Variants in TPD52L2 observed in about 807,000 individuals in gnomAD.
TPD52L2 encodes TPD52 like 2.
A neutral mutation model predicts 24.7 loss-of-function variants in TPD52L2; 19 were observed. The observed-to-expected ratio is 0.77, with a 90% confidence interval of 0.54 to 1.13. TPD52L2 has a LOEUF of 1.13. TPD52L2 is among the 50% of genes most tolerant of loss of function. The pLI is 0.00. For missense variants in TPD52L2, 236 were observed against 250.4 expected (o/e 0.94, Z 0.39); for synonymous variants, 104 against 100.2 (o/e 1.04, Z -0.23).
intron 1 of TPD52L2, among the ~76,000 whole-genome samples, chr20:63,867,714 T>C (rs1384029958): frequency 2.0e-5 from 3 of 152,200 alleles, no homozygotes; most frequent in Admixed American, 6.5e-5. Flanking sequence ...AGAGTATCTT[T>C]GTTAAGTGCA....
rs573617735 is a variant in TPD52L2 at position 63,890,149 on chromosome 20, C to T, written c.*204C>T. 9.5e-5 allele frequency: 113 copies of T among 1,190,230 alleles called. 1 individual carries two copies. In the South Asian group the frequency reaches 1.6e-3, roughly 17 times the overall value. The allele number at this position is 1,190,230 out of a possible 1,614,324, so 73.7% of individuals were successfully genotyped here. A position where few individuals can be genotyped will look rare whatever the true frequency, so the allele number is the denominator to read the frequency against. On this transcript the variant is annotated 3_prime_UTR_variant, in exon 7 of 7. Coordinates refer to ENST00000346249, the MANE Select transcript of TPD52L2 (RefSeq NM_003288.4). ...CTTGTACACAGATGTTTTACACTCACGTTTGTAGATGAAACAGATCACTGT... is the reference window on the plus strand; with the variant it reads ...CTTGTACACAGATGTTTTACACTCATGTTTGTAGATGAAACAGATCACTGT...
At chr20:63,872,303 G>A (rs138965483) in intron 2 of TPD52L2, among the ~76,000 whole-genome samples, 107 of 152,174 alleles carry the variant, frequency 7.0e-4, no homozygotes, top group African/African-American at 2.3e-3. Flanking sequence ...GACGGTGCCC[G>A]GCTGCCAACA....
At chr20:63,889,729 C>T in intron 6 of TPD52L2, 121 bp from the exon 7 acceptor site, 1 of 926,364 alleles carries the variant, frequency 1.1e-6, no homozygotes, top group East Asian at 2.6e-5. Flanking sequence ...GCTCCCTGTC[C>T]CTGCTGAGCA....
intron 1 of TPD52L2, among the ~76,000 whole-genome samples, chr20:63,867,205 T>C (rs1249342295): frequency 6.6e-6 from 1 of 151,836 alleles, no homozygotes; most frequent in Admixed American, 6.6e-5. Context: ...CTGCCCGCCT[T>C]GGCCTCCAAA....
intron 5 of TPD52L2, among the ~76,000 whole-genome samples, chr20:63,885,665 GT>G (rs2053064912): frequency 6.6e-6 from 1 of 152,234 alleles, no homozygotes; most frequent in African/African-American, 2.4e-5. Flanking sequence ...GATGGGGCTG[GT>G]TGTGCTCCAG....
intron 5 of TPD52L2, among the ~76,000 whole-genome samples, chr20:63,883,805 A>G (rs1178522928): frequency 7.2e-6 from 1 of 139,618 alleles, no homozygotes; most frequent in Non-Finnish European, 1.6e-5. Flanking sequence ...AGATACGTAC[A>G]TCTCCTGCTG....
At chr20:63,882,637 G>C in intron 4 of TPD52L2, 82 bp from the exon 5 acceptor site, 1 of 1,113,268 alleles carries the variant, frequency 9.0e-7, no homozygotes, top group Non-Finnish European at 1.4e-6. Flanking sequence ...TTCCTCGGGC[G>C]TGCTCCCAGT....
intron 4 of TPD52L2, among the ~76,000 whole-genome samples, chr20:63,881,079 G>A (rs1035122462): frequency 2.6e-5 from 4 of 152,042 alleles, no homozygotes; most frequent in African/African-American, 4.8e-5. Flanking sequence ...TCATCCGAGC[G>A]GGCTGGGCGC....
intron 3 of TPD52L2, among the ~76,000 whole-genome samples, chr20:63,875,153 A>ATATATATATATATATATT (rs1491155220): frequency 3.5e-4 from 46 of 131,318 alleles, no homozygotes; most frequent in African/African-American, 1.3e-3. Flanking sequence ...AAAAAAAAAA[A>ATATATATATATATATATT]TATATATATA....
chr20:63,875,153 AT>A (rs1240036356), intron 3 of TPD52L2, among the ~76,000 whole-genome samples: 68 of 131,318 alleles, frequency 5.2e-4, no homozygotes, highest in African/African-American at 8.0e-4. Context: ...AAAAAAAAAA[AT>A]ATATATATAT....
At chr20:63,867,098 C>T (rs2052278297) in intron 1 of TPD52L2, among the ~76,000 whole-genome samples, 1 of 152,022 alleles carries the variant, frequency 6.6e-6, no homozygotes, top group African/African-American at 2.4e-5. Flanking sequence ...GCATTACAGG[C>T]GTGCGCCACC....
At chr20:63,882,313 C>T (rs1267407216) in intron 4 of TPD52L2, among the ~76,000 whole-genome samples, 2 of 152,274 alleles carry the variant, frequency 1.3e-5, no homozygotes, top group African/African-American at 4.8e-5. Flanking sequence ...AGGCGTGCAC[C>T]TCAGGGGGCC....
At chr20:63,883,801 G>A (rs956862556) in intron 5 of TPD52L2, among the ~76,000 whole-genome samples, 4 of 134,224 alleles carry the variant, frequency 3.0e-5, no homozygotes, top group Non-Finnish European at 6.3e-5. Flanking sequence ...TCAGAGATAC[G>A]TACATCTCCT....
intron 4 of TPD52L2, among the ~76,000 whole-genome samples, chr20:63,882,321 G>C (rs2052930199): frequency 6.6e-6 from 1 of 152,282 alleles, no homozygotes; most frequent in East Asian, 1.9e-4. Flanking sequence ...ACCTCAGGGG[G>C]CCCGTCCGCT....
At chr20:63,868,559 C>T (rs1044488601) in intron 1 of TPD52L2, among the ~76,000 whole-genome samples, 11 of 152,156 alleles carry the variant, frequency 7.2e-5, no homozygotes, top group Admixed American at 3.3e-4. Context: ...GCTCCTAGTA[C>T]GTAATTTTAG....
chr20:63,878,039 A>C (rs2052757696), intron 4 of TPD52L2, among the ~76,000 whole-genome samples: 1 of 152,160 alleles, frequency 6.6e-6, no homozygotes, highest in Non-Finnish European at 1.5e-5. Context: ...GGGCCTGAGG[A>C]TGTGGCCATG....
At chr20:63,867,591 TA>T (rs1326020687) in intron 1 of TPD52L2, among the ~76,000 whole-genome samples, 3 of 150,644 alleles carry the variant, frequency 2.0e-5, no homozygotes, top group Admixed American at 6.6e-5. Flanking sequence ...AATCAGTGGA[TA>T]AAAAAGTGGA....
At chr20:63,875,709 T>C in intron 3 of TPD52L2, 107 bp from the exon 4 acceptor site, 1 of 1,168,138 alleles carries the variant, frequency 8.6e-7, no homozygotes, top group Non-Finnish European at 1.2e-6. Flanking sequence ...GAGTTGATGT[T>C]CCTGCCAGCT....
intron 1 of TPD52L2, among the ~76,000 whole-genome samples, chr20:63,866,092 C>T (rs1338883117): frequency 6.6e-6 from 1 of 150,648 alleles, no homozygotes; most frequent in Non-Finnish European, 1.5e-5. Context: ...TGCTAAATTT[C>T]TTTCTTTCTT....
Sources: gnomAD v4.1 joint callset for allele counts (sites outside exome capture counted in the v4.1 genomes callset) on GRCh38, gnomAD v4.1.1 for gene constraint, MANE v1.5 for transcripts, NCBI Gene and HGNC (gene_info 2026-07-23, HGNC 2026-07-21) for gene names.